RALGPS1: variants seen among roughly 807,000 people sequenced by gnomAD.
RALGPS1 encodes Ral GEF with PH domain and SH3 binding motif 1.
Under a neutral mutation model 78.8 loss-of-function variants are expected in RALGPS1, and 19 were observed. That is an observed-to-expected ratio of 0.24 (90% CI 0.17 to 0.35). The LOEUF (loss-of-function observed/expected upper bound fraction) is 0.35. RALGPS1 is among the 10% of genes least tolerant of loss of function. The probability of loss-of-function intolerance (pLI) is 1.00; values close to 1 mark genes in which losing one functional copy is unlikely to be tolerated. For missense variants in RALGPS1, 454 were observed against 688.3 expected (o/e 0.66, Z 3.81); for synonymous variants, 228 against 256.3 (o/e 0.89, Z 1.06).
intron 7 of RALGPS1, among the ~76,000 whole-genome samples, chr9:127,067,719 G>A (rs1302290942): frequency 6.6e-6 from 1 of 152,148 alleles, no homozygotes; most frequent in Non-Finnish European, 1.5e-5. Flanking sequence ...CCAACCCTGG[G>A]GCTTCTGTTT....
At chr9:127,170,712 G>A (rs762310183) in intron 10 of RALGPS1, among the ~76,000 whole-genome samples, 22 of 152,202 alleles carry the variant, frequency 1.4e-4, no homozygotes, top group Non-Finnish European at 2.9e-4. Context: ...AAGTACTTCT[G>A]ACCATGAGAT....
intron 8 of RALGPS1, among the ~76,000 whole-genome samples, chr9:127,112,395 A>C (rs1440957764): frequency 6.6e-6 from 1 of 152,212 alleles, no homozygotes; most frequent in Non-Finnish European, 1.5e-5. Context: ...CAGGCTGCTC[A>C]CCTGAGGCAG....
intron 6 of RALGPS1, among the ~76,000 whole-genome samples, chr9:127,050,584 A>G (rs937886792): frequency 2.6e-5 from 4 of 151,720 alleles, no homozygotes; most frequent in Admixed American, 2.6e-4. Context: ...CCCACCTCCC[A>G]CTGAGCTTCA....
intron 14 of RALGPS1, chr9:127,210,883 C>G: frequency 9.9e-6 from 10 of 1,007,226 alleles, no homozygotes; most frequent in Non-Finnish European, 1.5e-5. Context: ...CAGACACAGC[C>G]TTTGCCTACA....
intron 1 of RALGPS1, among the ~76,000 whole-genome samples, chr9:126,932,087 C>A (rs978830840): frequency 3.9e-5 from 6 of 152,036 alleles, no homozygotes; most frequent in Admixed American, 3.9e-4. Flanking sequence ...GAAACCATAG[C>A]ATATTTGAAG....
intron 4 of RALGPS1, among the ~76,000 whole-genome samples, chr9:127,013,423 C>G (rs1293671552): frequency 6.6e-6 from 1 of 152,156 alleles, no homozygotes; most frequent in Non-Finnish European, 1.5e-5. Flanking sequence ...TGGTACGCAC[C>G]CCTGGAATGG....
intron 4 of RALGPS1, among the ~76,000 whole-genome samples, chr9:126,986,601 G>A (rs536645043): frequency 6.6e-6 from 1 of 152,232 alleles, no homozygotes; most frequent in Non-Finnish European, 1.5e-5. Context: ...AGTTGAAGGC[G>A]CAGCAGTGTC....
intron 7 of RALGPS1, among the ~76,000 whole-genome samples, chr9:127,056,692 T>G (rs2048775023): frequency 6.6e-6 from 1 of 152,308 alleles, no homozygotes; most frequent in South Asian, 2.1e-4. Flanking sequence ...ACTCTGCAGT[T>G]TTGTTTATAG....
intron 12 of RALGPS1, 130 bp from the exon 13 acceptor site, chr9:127,196,344 G>A (rs1230607550): frequency 3.0e-6 from 3 of 994,604 alleles, no homozygotes; most frequent in Non-Finnish European, 4.4e-6. Flanking sequence ...CAGAGCCTGG[G>A]CTGTACCGTG....
At position 127,199,093 on chromosome 9, in the gene RALGPS1, C is replaced by T. The variant is rs770699635; in HGVS notation, c.1247+27C>T. 3.7e-6 allele frequency: 6 copies of T among 1,607,952 alleles called. No homozygotes were observed. The South Asian group carries it at 5.5e-5, about 15-fold the overall frequency. On this transcript the variant is annotated intron_variant, in intron 14 of 18. Transcript: ENST00000259351. Reference sequence around the variant, plus strand: ...TGAGTGTGGCCTCAGCATGGCCTCCCTCCCAGGGGCGGTGCTCAGGGCTGA... The same window carrying T: ...TGAGTGTGGCCTCAGCATGGCCTCCTTCCCAGGGGCGGTGCTCAGGGCTGA...
chr9:126,998,548 A>G (rs149832268), intron 4 of RALGPS1, among the ~76,000 whole-genome samples: 3,087 of 152,324 alleles, frequency 0.02, 57 homozygotes, highest in South Asian at 0.05. Context: ...GAGAAATAGG[A>G]ACACTTTGAC....
chr9:127,084,902 T>G (rs2051547666), intron 8 of RALGPS1, among the ~76,000 whole-genome samples: 1 of 152,262 alleles, frequency 6.6e-6, no homozygotes, highest in African/African-American at 2.4e-5. Flanking sequence ...TTTGGCTTAA[T>G]CTAGTCATGT....
chr9:126,945,200 T>C (rs2037144346), intron 1 of RALGPS1, among the ~76,000 whole-genome samples: 1 of 151,956 alleles, frequency 6.6e-6, no homozygotes, highest in African/African-American at 2.4e-5. Context: ...GTCCTCTCTT[T>C]CTCTTGCTTT....
At chr9:127,184,035 A>T in intron 11 of RALGPS1, 1 of 1,548,556 alleles carries the variant, frequency 6.5e-7, no homozygotes. Context: ...CTAAGAAATG[A>T]TCAAGGTCAA....
In RALGPS1 at chr9:127,183,986, C is replaced by G; in HGVS notation, c.910+9204C>G. The stretch of plus-strand genomic sequence containing the variant: ...CTCCTCACGAGTACCAGCGGCTCCC[C>G]CAGCATCTGCTGCTCCGCGCTCCCC... On this transcript the variant is annotated intron_variant, in intron 11 of 18. Coordinates refer to ENST00000259351, the MANE Select transcript of RALGPS1 (RefSeq NM_014636.3). This position sits in a 1 kb window ranked among gnomAD's most constrained non-coding sequence, Gnocchi z 4.0. The G allele has an allele frequency of 6.5e-7, 1 of 1,550,294 alleles. No homozygotes were observed. The highest frequency in any genetic ancestry group is 8.7e-7 in the Non-Finnish European group (1 of 1,146,940).
intron 4 of RALGPS1, among the ~76,000 whole-genome samples, chr9:127,027,966 A>G (rs1589102203): frequency 6.6e-6 from 1 of 152,238 alleles, no homozygotes; most frequent in East Asian, 1.9e-4. Context: ...CCCCTAGCCC[A>G]GAGTCTAGCA....
intron 5 of RALGPS1, among the ~76,000 whole-genome samples, chr9:127,047,891 A>G (rs1198972777): frequency 6.7e-6 from 1 of 148,482 alleles, no homozygotes; most frequent in Non-Finnish European, 1.5e-5. Flanking sequence ...GTTAGAAAAG[A>G]AAATAAAATA....
chr9:127,124,413 C>T (rs887506704), intron 8 of RALGPS1, among the ~76,000 whole-genome samples: 3 of 152,190 alleles, frequency 2.0e-5, no homozygotes, highest in Non-Finnish European at 4.4e-5. Context: ...GATCCCAGCC[C>T]TTAGCCACAG....
intron 5 of RALGPS1, among the ~76,000 whole-genome samples, chr9:127,046,123 T>A (rs992893773): frequency 4.6e-5 from 7 of 152,144 alleles, no homozygotes; most frequent in African/African-American, 1.7e-4. Context: ...AGCATATAAA[T>A]AATAGTATTG....
Sources: gnomAD v4.1 joint callset for allele counts (sites outside exome capture counted in the v4.1 genomes callset) on GRCh38, gnomAD v4.1.1 for gene constraint, Gnocchi (gnomAD v3.1) non-coding constraint, MANE v1.5 for transcripts, NCBI Gene and HGNC (gene_info 2026-07-23, HGNC 2026-07-21) for gene names.